Variants in PTPRG observed in about 807,000 individuals in gnomAD.
PTPRG encodes the protein protein tyrosine phosphatase receptor type G.
A neutral mutation model predicts 165.3 loss-of-function variants in PTPRG; 102 were observed. The observed-to-expected ratio is 0.62, with a 90% CI of 0.53 to 0.73. The LOEUF is 0.73. Ranked by LOEUF, PTPRG falls within the 30% of genes least tolerant of loss-of-function variation. The probability of loss-of-function intolerance (pLI) is 0.00; values close to 1 mark genes in which losing one functional copy is unlikely to be tolerated. For missense variants in PTPRG, 1,866 were observed against 1,861.4 expected, an observed-to-expected ratio of 1.00 and a Z score of -0.05; for synonymous variants, 675 against 669.5, an observed-to-expected ratio of 1.01 and a Z score of -0.13.
At chr3:61,821,385 G>GGT (rs1274330627) in intron 2 of PTPRG, among the ~76,000 whole-genome samples, 2 of 152,118 alleles carry the variant, frequency 1.3e-5, no homozygotes, top group African/African-American at 4.8e-5. Flanking sequence ...TAGCCAGGAT[G>GGT]GTCTCTATCT....
At chr3:62,067,450 C>G (rs1210319386) in intron 4 of PTPRG, among the ~76,000 whole-genome samples, 4 of 151,956 alleles carry the variant, frequency 2.6e-5, no homozygotes, top group African/African-American at 9.7e-5. Context: ...CGGACCTTGT[C>G]CATGGTGGCG....
At chr3:61,626,742 G>A (rs118044316) in intron 1 of PTPRG, among the ~76,000 whole-genome samples, 2,410 of 152,310 alleles carry the variant, frequency 0.016, 24 homozygotes, top group Non-Finnish European at 0.027. Context: ...GCTGGTGGGG[G>A]AGAAGGCTGG....
In PTPRG at chr3:62,271,148, T is replaced by A. The variant is rs1003118821; in HGVS notation, c.3010-235T>A. 2.0e-5 allele frequency among the ~76,000 whole-genome samples: 3 copies of A among 152,226 alleles called. No individual in the cohort carries two copies. The highest frequency in any genetic ancestry group is 7.2e-5 in the African/African-American group (3 of 41,468). On this transcript the variant is annotated intron_variant, in intron 20 of 29. Transcript: ENST00000474889. This position sits in a 1 kb window ranked among gnomAD's most constrained non-coding sequence, Gnocchi z 4.1. ...AAAAACTGATACTAAATGTTCATTCTTAGTACAATCTTAAACAGTCTTCTC... is the reference window on the plus strand; with the variant it reads ...AAAAACTGATACTAAATGTTCATTCATAGTACAATCTTAAACAGTCTTCTC...
intron 5 of PTPRG, among the ~76,000 whole-genome samples, chr3:62,091,199 C>T (rs1451792314): frequency 3.3e-5 from 5 of 152,182 alleles, no homozygotes; most frequent in Admixed American, 2.6e-4. Flanking sequence ...TATACACATC[C>T]TCCTGGCCTA....
chr3:62,244,459 G>A (rs1186388699), intron 15 of PTPRG, among the ~76,000 whole-genome samples: 1 of 152,148 alleles, frequency 6.6e-6, no homozygotes, highest in African/African-American at 2.4e-5. Flanking sequence ...AATAGGATGT[G>A]GGATTTGAAG....
At chr3:61,749,752 A>T (rs1402241744) in intron 2 of PTPRG, 1 of 153,236 alleles carries the variant, frequency 6.5e-6, no homozygotes, top group Non-Finnish European at 1.5e-5. Flanking sequence ...CTTGAGTAAG[A>T]TAGACCACTT....
At chr3:61,723,645 C>A (rs1419109313) in intron 1 of PTPRG, among the ~76,000 whole-genome samples, 1 of 152,180 alleles carries the variant, frequency 6.6e-6, no homozygotes, top group Non-Finnish European at 1.5e-5. Context: ...CAAGATAGTA[C>A]AGAGCGGTCC....
At chr3:62,139,905 T>G (rs1703858990) in intron 6 of PTPRG, among the ~76,000 whole-genome samples, 1 of 152,304 alleles carries the variant, frequency 6.6e-6, no homozygotes. Flanking sequence ...TTTGCAAATA[T>G]GCATTGACTG....
At chr3:61,639,115 C>G (rs1701996532) in intron 1 of PTPRG, among the ~76,000 whole-genome samples, 2 of 152,174 alleles carry the variant, frequency 1.3e-5, no homozygotes, top group South Asian at 4.1e-4. Flanking sequence ...CACTTTCATT[C>G]CGCTGCATAT....
chr3:62,273,174 T>A lies in PTPRG; in HGVS notation c.3318+93T>A. 7.4e-7 allele frequency: 1 copy of A among 1,355,238 alleles called. No homozygotes were observed. 84.0% of individuals were successfully genotyped at this position (1,355,238 alleles called of 1,614,324 possible). A position where few individuals can be genotyped will look rare whatever the true frequency, so the allele number is the denominator to read the frequency against. On this transcript the variant is annotated intron_variant, in intron 22 of 29. Transcript: ENST00000474889. This position sits in a 1 kb window ranked among gnomAD's most constrained non-coding sequence, Gnocchi z 4.1. Reference sequence around the variant, plus strand: ...TAATGAAGAGACAGATTCATTCTTTTAGGGCTTGCAGTAATTTACAGGTTT... The same window carrying A: ...TAATGAAGAGACAGATTCATTCTTTAAGGGCTTGCAGTAATTTACAGGTTT...
At chr3:61,737,157 C>G (rs1468819841) in intron 1 of PTPRG, among the ~76,000 whole-genome samples, 2 of 152,102 alleles carry the variant, frequency 1.3e-5, no homozygotes, top group Non-Finnish European at 2.9e-5. Flanking sequence ...AATGATGTTT[C>G]TTTTCTCCAA....
At chr3:61,840,376 T>C (rs1487451851) in intron 2 of PTPRG, among the ~76,000 whole-genome samples, 1 of 152,214 alleles carries the variant, frequency 6.6e-6, no homozygotes, top group Non-Finnish European at 1.5e-5. Flanking sequence ...TAAGCCCATA[T>C]AATTCAAGAA....
chr3:61,655,677 A>AGCTCACTCCTG (rs1166489892), intron 1 of PTPRG, among the ~76,000 whole-genome samples: 1 of 152,098 alleles, frequency 6.6e-6, no homozygotes, highest in Non-Finnish European at 1.5e-5. Context: ...GGCTCACCAC[A>AGCTCACTCCTG]GCTCACTCCT....
chr3:62,203,047 T>C lies in PTPRG; in HGVS notation c.1378-126T>C. The stretch of plus-strand genomic sequence containing the variant: ...TTATGCCATACATTGGAAAACTCCA[T>C]AGCATAGATGAGTAAAATCCTCAGA... On this transcript the variant is annotated intron_variant, in intron 11 of 29. Coordinates refer to ENST00000474889, the MANE Select transcript of PTPRG (RefSeq NM_002841.4). The surrounding 1 kb of genome is among the most constrained non-coding windows in gnomAD (Gnocchi z 6.4). 1 of 1,456,412 alleles carries C rather than the reference T, an allele frequency of 6.9e-7. No homozygotes were observed. Among genetic ancestry groups the C allele is most frequent in the Non-Finnish European group, 9.1e-7 (1 of 1,098,420 alleles). 90.2% of individuals were successfully genotyped at this position (1,456,412 alleles called of 1,614,324 possible).
chr3:61,829,273 A>AG (rs2036201045), intron 2 of PTPRG, among the ~76,000 whole-genome samples: 1 of 152,286 alleles, frequency 6.6e-6, no homozygotes, highest in Admixed American at 6.5e-5. Flanking sequence ...ATTAATGTCA[A>AG]GGAAGTGTTG....
At chr3:61,635,097 G>A (rs796578128) in intron 1 of PTPRG, among the ~76,000 whole-genome samples, 5 of 152,206 alleles carry the variant, frequency 3.3e-5, no homozygotes, top group African/African-American at 1.2e-4. Flanking sequence ...TGGACTTCCT[G>A]AGCATGCAAT....
intron 4 of PTPRG, among the ~76,000 whole-genome samples, chr3:62,004,154 A>G (rs1432471237): frequency 1.3e-5 from 2 of 152,176 alleles, no homozygotes; most frequent in African/African-American, 2.4e-5. Flanking sequence ...TTGAGTAGGG[A>G]CAGCACATCT....
chr3:61,631,505 T>C (rs1701774452), intron 1 of PTPRG, among the ~76,000 whole-genome samples: 1 of 152,234 alleles, frequency 6.6e-6, no homozygotes, highest in Non-Finnish European at 1.5e-5. Context: ...TTATCATGGA[T>C]ATAGTTGTAT....
At chr3:61,871,392 A>G (rs1351057687) in intron 2 of PTPRG, among the ~76,000 whole-genome samples, 1 of 151,926 alleles carries the variant, frequency 6.6e-6, no homozygotes, top group Non-Finnish European at 1.5e-5. Flanking sequence ...ACATCTAGCT[A>G]ATTAAAAAAA....
Sources: gnomAD v4.1 joint callset for allele counts (sites outside exome capture counted in the v4.1 genomes callset) on GRCh38, gnomAD v4.1.1 for gene constraint, Gnocchi (gnomAD v3.1) non-coding constraint, MANE v1.5 for transcripts, NCBI Gene and HGNC (gene_info 2026-07-23, HGNC 2026-07-21) for gene names.